The following DPP10 variants were observed in gnomAD, a reference collection of about 807,000 sequenced individuals.
The protein encoded by DPP10 is dipeptidyl peptidase like 10.
A neutral mutation model predicts 120.9 loss-of-function variants in DPP10; 33 were observed. The ratio of observed to expected loss-of-function variants is 0.27; its 90% CI spans 0.21 to 0.37. The LOEUF (loss-of-function observed/expected upper bound fraction) is 0.37, where lower values mean the gene tolerates loss of function less well. Among genes scored for constraint, DPP10 ranks in the 10% least tolerant of loss-of-function variants. DPP10 has a pLI of 1.00. For synonymous variants in DPP10, 337 were observed against 326.1 expected, an observed-to-expected ratio of 1.03 and a Z score of -0.36; for missense variants, 816 against 942.8, an observed-to-expected ratio of 0.87 and a Z score of 1.76.
intron 1 of DPP10, among the ~76,000 whole-genome samples, chr2:114,597,984 A>G (rs2105207215): frequency 6.6e-6 from 1 of 152,016 alleles, no homozygotes; most frequent in South Asian, 2.1e-4. Flanking sequence ...GACTTTGGGG[A>G]TTAAGAGAAG....
chr2:114,450,402 C>T (rs1678195351), intron 1 of DPP10, among the ~76,000 whole-genome samples: 1 of 151,940 alleles, frequency 6.6e-6, no homozygotes, highest in South Asian at 2.1e-4. Context: ...GTGAGTCTCT[C>T]TACGAGCTAT....
intron 5 of DPP10, among the ~76,000 whole-genome samples, chr2:115,608,283 A>G (rs541847259): frequency 1.3e-5 from 2 of 152,078 alleles, no homozygotes; most frequent in Non-Finnish European, 2.9e-5. Flanking sequence ...CCAGCTATTC[A>G]GGAGGCGGAG....
At chr2:115,540,229 A>C (rs1464586754) in intron 5 of DPP10, among the ~76,000 whole-genome samples, 1 of 151,970 alleles carries the variant, frequency 6.6e-6, no homozygotes, top group Admixed American at 6.6e-5. Context: ...ACTGTACTTG[A>C]AATAGACTGA....
At chr2:115,165,867 A>G (rs988336722) in intron 1 of DPP10, among the ~76,000 whole-genome samples, 2 of 152,212 alleles carry the variant, frequency 1.3e-5, no homozygotes, top group South Asian at 2.1e-4. Context: ...ACTAAAAAGC[A>G]TATTTTTAAA....
At chr2:114,972,064 A>G (rs10194713) in intron 1 of DPP10, among the ~76,000 whole-genome samples, 1 of 152,052 alleles carries the variant, frequency 6.6e-6, no homozygotes, top group African/African-American at 2.4e-5. Context: ...TTTTGTTAAA[A>G]CCCCATTTAG....
chr2:115,210,598 T>A (rs1006140429), intron 1 of DPP10, among the ~76,000 whole-genome samples: 1 of 152,158 alleles, frequency 6.6e-6, no homozygotes, highest in African/African-American at 2.4e-5. Context: ...CGCCACACTG[T>A]CTTCCACAAT....
chr2:115,467,252 C>A (rs1483013371), intron 3 of DPP10, among the ~76,000 whole-genome samples: 2 of 152,004 alleles, frequency 1.3e-5, no homozygotes, highest in African/African-American at 4.8e-5. Flanking sequence ...CAACCACAAA[C>A]ACATCCACAA....
intron 8 of DPP10, among the ~76,000 whole-genome samples, chr2:115,737,836 C>T (rs193067980): frequency 1.6e-4 from 24 of 152,150 alleles, no homozygotes; most frequent in Non-Finnish European, 1.3e-4. Context: ...CCGGTGTATC[C>T]CAAACTACTA....
intron 1 of DPP10, among the ~76,000 whole-genome samples, chr2:115,243,915 C>T (rs919808606): frequency 9.9e-5 from 15 of 151,486 alleles, no homozygotes; most frequent in Non-Finnish European, 1.6e-4. Flanking sequence ...AATAGATGCT[C>T]CCCATTATAA....
chr2:115,786,051 T>C (rs1213421558), intron 17 of DPP10, among the ~76,000 whole-genome samples: 2 of 152,096 alleles, frequency 1.3e-5, no homozygotes, highest in Non-Finnish European at 2.9e-5. Flanking sequence ...CAGATATATA[T>C]AATAGGGGAA....
intron 3 of DPP10, among the ~76,000 whole-genome samples, chr2:115,362,006 GTTTTGTGTGTATGT>G (rs1439697617): frequency 6.0e-5 from 1 of 16,756 alleles, no homozygotes; most frequent in Non-Finnish European, 1.7e-4. Context: ...GTGTGTGTAT[GTTTTGTGTGTATGT>G]TTTTGTGTGT....
At chr2:115,835,722 CATT>C (rs1689416726) in intron 21 of DPP10, among the ~76,000 whole-genome samples, 1 of 152,168 alleles carries the variant, frequency 6.6e-6, no homozygotes, top group African/African-American at 2.4e-5. Context: ...TTCAAAATTT[CATT>C]ATTTCTTAAT....
At chr2:115,442,473 G>T (rs947103063) in intron 3 of DPP10, among the ~76,000 whole-genome samples, 2 of 151,982 alleles carry the variant, frequency 1.3e-5, no homozygotes, top group Non-Finnish European at 2.9e-5. Context: ...GGATCAAGAA[G>T]ATTTTATTAA....
intron 3 of DPP10, among the ~76,000 whole-genome samples, chr2:115,425,334 AT>A (rs1439583813): frequency 6.6e-6 from 1 of 152,100 alleles, no homozygotes; most frequent in African/African-American, 2.4e-5. Flanking sequence ...ACTAAGTACT[AT>A]TGTGTACTCT....
chr2:114,559,891 C>CAAAAAAAAAAAAAAAAAAAAAAAAAAA (rs60833358), intron 1 of DPP10, among the ~76,000 whole-genome samples: 6 of 65,942 alleles, frequency 9.1e-5, no homozygotes, highest in East Asian at 4.9e-4. Context: ...AGAAAAAAAG[C>CAAAAAAAAAAAAAAAAAAAAAAAAAAA]AAAAAAAAAA....
chr2:115,540,886 G>C (rs1383807158), intron 5 of DPP10, among the ~76,000 whole-genome samples: 1 of 151,806 alleles, frequency 6.6e-6, no homozygotes, highest in Non-Finnish European at 1.5e-5. Flanking sequence ...TTCTGAGGGA[G>C]AGCATTTTAT....
intron 1 of DPP10, among the ~76,000 whole-genome samples, chr2:115,049,080 C>T (rs1705278486): frequency 6.6e-6 from 1 of 151,804 alleles, no homozygotes; most frequent in African/African-American, 2.4e-5. Context: ...GTTAAAAGAA[C>T]AATTTTTTAA....
chr2:115,237,967 G>T (rs886425356), intron 1 of DPP10, among the ~76,000 whole-genome samples: 2 of 152,150 alleles, frequency 1.3e-5, no homozygotes, highest in Non-Finnish European at 2.9e-5. Context: ...CAGCAAACCG[G>T]TTATCCAGAA....
chr2:115,037,572 G>C (rs1392755468), intron 1 of DPP10, among the ~76,000 whole-genome samples: 2 of 152,174 alleles, frequency 1.3e-5, no homozygotes, highest in African/African-American at 4.8e-5. Flanking sequence ...GTTCCTTAGA[G>C]CAACTACATG....
Sources: allele counts gnomAD v4.1 joint callset (sites outside exome capture counted in the v4.1 genomes callset), GRCh38; gene constraint gnomAD v4.1.1; transcripts MANE v1.5; gene names NCBI Gene and HGNC (gene_info 2026-07-23, HGNC 2026-07-21).